SEM1: variants seen among roughly 807,000 people sequenced by gnomAD.
SEM1 encodes 26S proteasome complex subunit SEM1.
In SEM1, 3 loss-of-function variants were observed where a neutral mutation model predicts 12.7. The observed-to-expected ratio is 0.24, with a 90% CI of 0.11 to 0.61. The LOEUF is 0.61. SEM1 is among the 20% of genes least tolerant of loss of function. SEM1 has a pLI of 0.88. For missense variants in SEM1, 59 were observed against 81.3 expected (o/e 0.73, Z 1.06); for synonymous variants, 30 against 27.8 (o/e 1.08, Z -0.25).
At chr7:96,708,915 G>GA (rs1310585693) in intron 1 of SEM1, among the ~76,000 whole-genome samples, 1 of 151,394 alleles carries the variant, frequency 6.6e-6, no homozygotes. Context: ...TATCTACAAT[G>GA]AAAAAACCAG....
intron 2 of SEM1, among the ~76,000 whole-genome samples, chr7:96,578,230 TAAA>T (rs1037836862): frequency 2.1e-5 from 3 of 139,998 alleles, no homozygotes; most frequent in East Asian, 2.1e-4. Context: ...GCAGAAAAAA[TAAA>T]AACACAAACC....
In SEM1 at chr7:96,541,449, T is replaced by TG. The variant is rs1400349231; in HGVS notation, c.171-34752_171-34751insC. Among the ~76,000 whole-genome samples the TG allele has an allele frequency of 9.1e-4, 135 of 148,406 alleles. 1 individual carries two copies. In the South Asian group the frequency reaches 0.025, roughly 27 times the overall value. On this transcript the variant is annotated intron_variant and NMD_transcript_variant, in intron 2 of 3. Transcript: ENST00000466986. ...TTAATGGGTTTTTTTTTTTGTTTTT[T>TG]TTTTTTTTTTGCTGAATTGTTTAAG...
chr7:96,599,671 A>G (rs542261182), intron 2 of SEM1, among the ~76,000 whole-genome samples: 1 of 152,218 alleles, frequency 6.6e-6, no homozygotes, highest in Non-Finnish European at 1.5e-5. Context: ...AAGACTTTAA[A>G]AGAGAACAAG....
At chr7:96,635,274 A>G (rs1405628387) in intron 2 of SEM1, among the ~76,000 whole-genome samples, 1 of 152,056 alleles carries the variant, frequency 6.6e-6, no homozygotes, top group Non-Finnish European at 1.5e-5. Flanking sequence ...AGTTTCAAAT[A>G]TAGTAAGTTT....
intron 2 of SEM1, among the ~76,000 whole-genome samples, chr7:96,588,938 A>G (rs1806743653): frequency 6.6e-6 from 1 of 152,256 alleles, no homozygotes; most frequent in Non-Finnish European, 1.5e-5. Flanking sequence ...GGCTTATAGT[A>G]TAAAATTTGT....
intron 2 of SEM1, among the ~76,000 whole-genome samples, chr7:96,648,219 A>G (rs918114342): frequency 2.0e-5 from 3 of 152,224 alleles, no homozygotes; most frequent in Admixed American, 2.0e-4. Context: ...AAAGAAAAAT[A>G]TCATTTCAAC....
intron 2 of SEM1, among the ~76,000 whole-genome samples, chr7:96,541,569 G>A (rs544173372): frequency 1.3e-5 from 2 of 150,934 alleles, no homozygotes; most frequent in African/African-American, 4.9e-5. Flanking sequence ...TATGTTGACA[G>A]TTTCTCTTGT....
intron 2 of SEM1, among the ~76,000 whole-genome samples, chr7:96,578,653 A>T (rs1806287164): frequency 6.6e-6 from 1 of 152,234 alleles, no homozygotes; most frequent in African/African-American, 2.4e-5. Flanking sequence ...TGGTAAAGAT[A>T]TGGGAAAATC....
At chr7:96,675,394 G>T (rs1789425179) in intron 2 of SEM1, among the ~76,000 whole-genome samples, 1 of 152,148 alleles carries the variant, frequency 6.6e-6, no homozygotes, top group African/African-American at 2.4e-5. Flanking sequence ...ATTGGGTCAG[G>T]AAACTGGTCA....
chr7:96,564,281 G>A (rs909388959), intron 2 of SEM1, among the ~76,000 whole-genome samples: 11 of 151,486 alleles, frequency 7.3e-5, no homozygotes, highest in Non-Finnish European at 1.2e-4. Context: ...TATAAATCAG[G>A]GTAGAACAAA....
chr7:96,662,499 T>C (rs1420689968), intron 2 of SEM1, among the ~76,000 whole-genome samples: 1 of 151,936 alleles, frequency 6.6e-6, no homozygotes, highest in Non-Finnish European at 1.5e-5. Flanking sequence ...GAGGTGAACA[T>C]CACACGCTGG....
At chr7:96,500,269 T>C (rs1047030929), upstream of SEM1, among the ~76,000 whole-genome samples, 34 of 151,858 alleles carry the variant, frequency 2.2e-4, no homozygotes, top group African/African-American at 8.2e-4. Context: ...CAGGCCTTAG[T>C]CTTTCTTGGT....
intron 3 of SEM1, among the ~76,000 whole-genome samples, chr7:96,502,157 G>A (rs757271881): frequency 6.6e-6 from 1 of 152,068 alleles, no homozygotes; most frequent in Non-Finnish European, 1.5e-5. Context: ...TTTCAGAAAT[G>A]CTCTCTGAGG....
At chr7:96,706,606 A>G (rs1253009026) in intron 1 of SEM1, among the ~76,000 whole-genome samples, 1 of 150,410 alleles carries the variant, frequency 6.6e-6, no homozygotes, top group Non-Finnish European at 1.5e-5. Flanking sequence ...GAGAGAGAGA[A>G]GAAACAATAA....
Position 96,703,317 on chromosome 7 carries a change from T to A in SEM1, c.76+6371A>T, listed in dbSNP as rs145650800. Among the ~76,000 whole-genome samples the A allele has an allele frequency of 2.8e-4, 42 of 152,306 alleles. 1 individual carries two copies. The highest frequency in any genetic ancestry group is 5.6e-4 in the Non-Finnish European group (38 of 68,024). ...AATTTCCTGATTTTGATGGTTGTCT[T>A]GTGACTATGTCCTTGTAGGAAATAC... On this transcript the variant is annotated intron_variant, in intron 1 of 2. Transcript: ENST00000248566.
chr7:96,569,627 G>A (rs1805955630), intron 2 of SEM1, among the ~76,000 whole-genome samples: 1 of 152,066 alleles, frequency 6.6e-6, no homozygotes, highest in African/African-American at 2.4e-5. Flanking sequence ...GGCAAAGTCT[G>A]TTTTTAGCGT....
chr7:96,671,330 T>C (rs945417972), downstream of SEM1, among the ~76,000 whole-genome samples: 6 of 152,162 alleles, frequency 3.9e-5, no homozygotes, highest in South Asian at 2.1e-4. Flanking sequence ...AAAGCTACAA[T>C]AGATTTATGG....
At chr7:96,587,976 T>C (rs1034896625) in intron 2 of SEM1, among the ~76,000 whole-genome samples, 5 of 152,172 alleles carry the variant, frequency 3.3e-5, no homozygotes, top group African/African-American at 1.2e-4. Context: ...TACTTTGTCA[T>C]GTTAACAACG....
intron 2 of SEM1, among the ~76,000 whole-genome samples, chr7:96,578,030 A>G (rs73392804): frequency 0.058 from 8,768 of 152,154 alleles, 816 homozygotes; most frequent in African/African-American, 0.2. Flanking sequence ...TAAATAAAAA[A>G]TGAACCAAAG....
Sources: allele counts gnomAD v4.1 joint callset (sites outside exome capture counted in the v4.1 genomes callset), GRCh38; gene constraint gnomAD v4.1.1; transcripts MANE v1.5; gene names NCBI Gene and HGNC (gene_info 2026-07-23, HGNC 2026-07-21).